The following CPA6 variants were observed in gnomAD, a reference collection of about 807,000 sequenced individuals.
CPA6 encodes the protein carboxypeptidase B.
A neutral mutation model predicts 63.3 loss-of-function variants in CPA6; 58 were observed. That is an observed-to-expected ratio of 0.92 (90% confidence interval 0.74 to 1.14). The LOEUF is 1.14. Ranked by LOEUF, CPA6 falls within the 50% of genes most tolerant of loss-of-function variation. CPA6 has a pLI of 0.00. For synonymous variants in CPA6, 185 were observed against 179.0 expected (o/e 1.03, Z -0.27); for missense variants, 565 against 526.6 (o/e 1.07, Z -0.71).
chr8:67,560,949 A>G (rs762113288), intron 2 of CPA6, among the ~76,000 whole-genome samples: 1 of 152,170 alleles, frequency 6.6e-6, no homozygotes, highest in Non-Finnish European at 1.5e-5. Flanking sequence ...AGCTTGGCCT[A>G]CCCAACCCTG....
intron 1 of CPA6, among the ~76,000 whole-genome samples, chr8:67,696,290 A>G: frequency 6.6e-6 from 1 of 152,238 alleles, no homozygotes; most frequent in East Asian, 1.9e-4. Flanking sequence ...AAATGCATGT[A>G]CAATGGAGTT....
chr8:67,475,819 TTTCTTTTCTTTCTTTC>T (rs1811181546), intron 8 of CPA6, among the ~76,000 whole-genome samples: 1 of 40,850 alleles, frequency 2.4e-5, no homozygotes, highest in East Asian at 6.2e-4. Context: ...CTTTCTTTCC[TTTCTTTTCTTTCTTTC>T]TTTCTTTCTT....
chr8:67,696,720 A>G (rs190967428), intron 1 of CPA6, among the ~76,000 whole-genome samples: 1 of 152,366 alleles, frequency 6.6e-6, no homozygotes, highest in Admixed American at 6.5e-5. Flanking sequence ...TGAACTACAA[A>G]CCATCAAACT....
intron 1 of CPA6, among the ~76,000 whole-genome samples, chr8:67,733,362 T>C (rs1419618378): frequency 6.6e-6 from 1 of 152,086 alleles, no homozygotes; most frequent in African/African-American, 2.4e-5. Context: ...GGTGCTGATG[T>C]TGCTGGTCTG....
At chr8:67,685,354 A>T (rs1391822688) in intron 1 of CPA6, among the ~76,000 whole-genome samples, 1 of 152,188 alleles carries the variant, frequency 6.6e-6, no homozygotes, top group Non-Finnish European at 1.5e-5. Flanking sequence ...GCAGTGGCTC[A>T]TGTCTGTAAT....
intron 8 of CPA6, among the ~76,000 whole-genome samples, chr8:67,455,238 T>C (rs1234874729): frequency 6.6e-6 from 1 of 152,064 alleles, no homozygotes; most frequent in Non-Finnish European, 1.5e-5. Context: ...TACAACTGCA[T>C]CACGAAGCAG....
chr8:67,623,482 C>T (rs1276216090), intron 2 of CPA6, among the ~76,000 whole-genome samples: 1 of 151,858 alleles, frequency 6.6e-6, no homozygotes, highest in Non-Finnish European at 1.5e-5. Flanking sequence ...AGAGCAAGAC[C>T]CTGTCTCAAA....
At chr8:67,744,526 A>G (rs1216227260) in intron 1 of CPA6, among the ~76,000 whole-genome samples, 1 of 152,162 alleles carries the variant, frequency 6.6e-6, no homozygotes, top group Non-Finnish European at 1.5e-5. Context: ...GAGGAGTGCC[A>G]CACGCTGAAA....
chr8:67,744,479 A>C (rs1413647529), intron 1 of CPA6, among the ~76,000 whole-genome samples: 1 of 152,140 alleles, frequency 6.6e-6, no homozygotes, highest in African/African-American at 2.4e-5. Context: ...AAGGGTGCAC[A>C]CCTGCTCAGC....
At chr8:67,572,288 T>C (rs1396113965) in intron 2 of CPA6, among the ~76,000 whole-genome samples, 2 of 152,326 alleles carry the variant, frequency 1.3e-5, no homozygotes, top group East Asian at 3.9e-4. Context: ...GTGGGCTCAA[T>C]GGCAGGTGCT....
intron 10 of CPA6, among the ~76,000 whole-genome samples, chr8:67,425,273 T>TTAC (rs754665802): frequency 6.6e-6 from 1 of 151,944 alleles, no homozygotes; most frequent in Non-Finnish European, 1.5e-5. Flanking sequence ...GATAATCCTA[T>TTAC]TATTATTATT....
intron 1 of CPA6, among the ~76,000 whole-genome samples, chr8:67,639,182 G>A (rs1431211139): frequency 6.6e-6 from 1 of 151,536 alleles, no homozygotes; most frequent in South Asian, 2.1e-4. Flanking sequence ...AAATATTTTA[G>A]GTTTGCTGGC....
intron 2 of CPA6, among the ~76,000 whole-genome samples, chr8:67,585,401 T>C (rs557568521): frequency 1.3e-5 from 2 of 152,310 alleles, no homozygotes; most frequent in African/African-American, 4.8e-5. Flanking sequence ...TGCTTGTTAC[T>C]TTTATTTGGA....
At chr8:67,486,128 T>G (rs1811471828) in intron 6 of CPA6, among the ~76,000 whole-genome samples, 1 of 152,242 alleles carries the variant, frequency 6.6e-6, no homozygotes, top group South Asian at 2.1e-4. Flanking sequence ...TCATAATCAT[T>G]TGGTGGTTAT....
intron 2 of CPA6, among the ~76,000 whole-genome samples, chr8:67,544,230 T>A (rs1011532926): frequency 6.6e-6 from 1 of 152,124 alleles, no homozygotes; most frequent in Non-Finnish European, 1.5e-5. Flanking sequence ...TTGAGATAAA[T>A]CCAGGAAAAG....
chr8:67,482,662 T>A (rs1468414267), intron 8 of CPA6, among the ~76,000 whole-genome samples: 1 of 152,154 alleles, frequency 6.6e-6, no homozygotes, highest in Non-Finnish European at 1.5e-5. Flanking sequence ...GATCCCAGTT[T>A]GGAGCTAGGA....
intron 3 of CPA6, among the ~76,000 whole-genome samples, chr8:67,517,285 C>G (rs1323326450): frequency 6.6e-6 from 1 of 152,096 alleles, no homozygotes; most frequent in Non-Finnish European, 1.5e-5. Flanking sequence ...TTTTAATGCT[C>G]TCGTGATCCT....
At chr8:67,504,753 A>C (rs760962389) in intron 6 of CPA6, among the ~76,000 whole-genome samples, 2 of 152,140 alleles carry the variant, frequency 1.3e-5, no homozygotes, top group Non-Finnish European at 2.9e-5. Context: ...GGTTGCTTCC[A>C]TGGCTCAGAC....
chr8:67,632,148 C>CTGTGTGTGTGTGTGTGTG (rs35463897), intron 1 of CPA6, among the ~76,000 whole-genome samples: 1 of 147,744 alleles, frequency 6.8e-6, no homozygotes, highest in Admixed American at 6.8e-5. Flanking sequence ...AAAAATGATG[C>CTGTGTGTGTGTGTGTGTG]TGTGTGTGTG....
Sources: allele counts gnomAD v4.1 joint callset (sites outside exome capture counted in the v4.1 genomes callset), GRCh38; gene constraint gnomAD v4.1.1; transcripts MANE v1.5; gene names NCBI Gene and HGNC (gene_info 2026-07-23, HGNC 2026-07-21).